Variants in PTPRD observed in about 807,000 individuals in gnomAD.
The protein encoded by PTPRD is receptor-type tyrosine-protein phosphatase delta.
Under a neutral mutation model 214.5 loss-of-function variants are expected in PTPRD, and 34 were observed. The observed-to-expected ratio is 0.16, with a 90% CI of 0.12 to 0.21. The LOEUF is 0.21. Ranked by LOEUF, PTPRD falls within the 10% of genes least tolerant of loss-of-function variation. The pLI is 1.00. For missense variants in PTPRD, 2,545 were observed against 2,398.7 expected, an observed-to-expected ratio of 1.06 and a Z score of -1.27; for synonymous variants, 1,128 against 845.7, an observed-to-expected ratio of 1.33 and a Z score of -5.79.
intron 5 of PTPRD, among the ~76,000 whole-genome samples, chr9:9,906,342 C>T (rs1183066087): frequency 1.3e-5 from 2 of 151,918 alleles, no homozygotes; most frequent in Admixed American, 6.6e-5. Flanking sequence ...TCCAGTAATT[C>T]CAACTTCACT....
At chr9:10,271,742 C>G (rs373216100) in intron 3 of PTPRD, among the ~76,000 whole-genome samples, 21 of 151,996 alleles carry the variant, frequency 1.4e-4, no homozygotes, top group African/African-American at 5.1e-4. Flanking sequence ...GAGGTTTCAC[C>G]ATGTTGGCCA....
At chr9:10,118,898 A>ATAAATAAATAAATAAG (rs1276172657) in intron 3 of PTPRD, among the ~76,000 whole-genome samples, 2 of 145,938 alleles carry the variant, frequency 1.4e-5, no homozygotes, top group East Asian at 4.0e-4. Context: ...AAATAAATAA[A>ATAAATAAATAAATAAG]TAATAATAAA....
At chr9:9,609,954 T>C (rs1004019072) in intron 7 of PTPRD, among the ~76,000 whole-genome samples, 2 of 152,194 alleles carry the variant, frequency 1.3e-5, no homozygotes, top group African/African-American at 4.8e-5. Context: ...TATGTGAAGA[T>C]GAATATCGGC....
At chr9:10,146,770 G>A (rs534761332) in intron 3 of PTPRD, among the ~76,000 whole-genome samples, 1 of 151,296 alleles carries the variant, frequency 6.6e-6, no homozygotes, top group East Asian at 1.9e-4. Flanking sequence ...GGTGGAATGG[G>A]AGAAGAAAAA....
intron 7 of PTPRD, among the ~76,000 whole-genome samples, chr9:9,622,982 G>GAT (rs1160070266): frequency 6.6e-6 from 1 of 152,202 alleles, no homozygotes; most frequent in Non-Finnish European, 1.5e-5. Flanking sequence ...ATCAGATAGA[G>GAT]ATATACAGTT....
chr9:10,195,640 A>G (rs1397807459), intron 3 of PTPRD, among the ~76,000 whole-genome samples: 1 of 152,150 alleles, frequency 6.6e-6, no homozygotes, highest in African/African-American at 2.4e-5. Flanking sequence ...TCATCCAACC[A>G]TCTATTTCTT....
chr9:10,254,197 T>G (rs2093041908), intron 3 of PTPRD, among the ~76,000 whole-genome samples: 2 of 152,204 alleles, frequency 1.3e-5, no homozygotes, highest in South Asian at 4.1e-4. Context: ...TAAGTGGATA[T>G]TTATTGTAAG....
intron 34 of PTPRD, chr9:8,437,203 G>A: frequency 2.0e-6 from 3 of 1,522,732 alleles, no homozygotes; most frequent in Non-Finnish European, 1.8e-6. Flanking sequence ...CTAACTTGAA[G>A]AATGAAGGTT....
chr9:9,363,326 G>C lies in PTPRD; in HGVS notation c.-203+34123C>G, dbSNP rs563125562. Among the ~76,000 whole-genome samples, 7 of 151,172 alleles carry C rather than the reference G, an allele frequency of 4.6e-5. No individual in the cohort carries two copies. The East Asian group carries it at 1.2e-3, about 25-fold the overall frequency. On this transcript the variant is annotated intron_variant, in intron 9 of 45. Transcript: ENST00000381196. ...GATAGTTGTAATGGACCCAGATTTA[G>C]AAATCCTCATATACAAGCTGGCATC...
chr9:8,614,136 G>T (rs1595295161), intron 14 of PTPRD, among the ~76,000 whole-genome samples: 1 of 152,222 alleles, frequency 6.6e-6, no homozygotes, highest in East Asian at 1.9e-4. Flanking sequence ...TGTCATTTAA[G>T]ATATGCTTCC....
At chr9:9,690,848 C>G (rs1002558513) in intron 7 of PTPRD, among the ~76,000 whole-genome samples, 8 of 149,586 alleles carry the variant, frequency 5.3e-5, no homozygotes, top group Non-Finnish European at 1.5e-5. Context: ...TAGTGCCATG[C>G]TGTTTTGGTT....
At position 10,401,221 on chromosome 9, in the gene PTPRD, C is replaced by A. The variant is rs559282685; in HGVS notation, c.-599-60204G>T. Among the ~76,000 whole-genome samples the A allele has an allele frequency of 8.1e-4, 123 of 151,750 alleles. 1 individual carries two copies. The highest frequency in any genetic ancestry group is 2.8e-3 in the African/African-American group (115 of 41,508). On this transcript the variant is annotated intron_variant, in intron 2 of 45. Transcript: ENST00000381196. ...TTTGCCTAAAACATCTTACTTTGCA[C>A]TTGCAATTGTGCTACTTTATTTTAT...
intron 30 of PTPRD, among the ~76,000 whole-genome samples, chr9:8,472,113 A>T (rs1387216612): frequency 6.6e-6 from 1 of 152,164 alleles, no homozygotes. Flanking sequence ...GTAGAGATTA[A>T]ATAATTGCCA....
At chr9:9,808,292 C>G (rs2046069303) in intron 5 of PTPRD, among the ~76,000 whole-genome samples, 1 of 152,162 alleles carries the variant, frequency 6.6e-6, no homozygotes, top group Non-Finnish European at 1.5e-5. Flanking sequence ...TCCTCAGATA[C>G]AAGAACTTTT....
chr9:9,101,953 T>A (rs2099792002), intron 10 of PTPRD, among the ~76,000 whole-genome samples: 1 of 152,186 alleles, frequency 6.6e-6, no homozygotes, highest in Admixed American at 6.5e-5. Context: ...CTTGGCTATA[T>A]TTGCATGGAA....
intron 14 of PTPRD, among the ~76,000 whole-genome samples, chr9:8,632,215 G>T (rs949543053): frequency 6.6e-6 from 1 of 150,730 alleles, no homozygotes; most frequent in Non-Finnish European, 1.5e-5. Flanking sequence ...AATTACTGCT[G>T]GCCTCCAAAT....
intron 3 of PTPRD, among the ~76,000 whole-genome samples, chr9:10,200,528 C>T (rs2154332802): frequency 6.6e-6 from 1 of 152,152 alleles, no homozygotes; most frequent in Admixed American, 6.6e-5. Flanking sequence ...TAGATGTTTA[C>T]ATCATTTAAG....
At chr9:8,954,628 C>T (rs2099121630) in intron 11 of PTPRD, among the ~76,000 whole-genome samples, 1 of 151,794 alleles carries the variant, frequency 6.6e-6, no homozygotes, top group African/African-American at 2.4e-5. Context: ...CTGTGGAGAG[C>T]TGTTCCAATG....
chr9:9,161,996 T>A (rs534342935), intron 10 of PTPRD, among the ~76,000 whole-genome samples: 2 of 151,794 alleles, frequency 1.3e-5, no homozygotes, highest in East Asian at 3.9e-4. Flanking sequence ...CCTAAAAGAG[T>A]AGCAGGATAA....
Sources: gnomAD v4.1 joint callset for allele counts (sites outside exome capture counted in the v4.1 genomes callset) on GRCh38, gnomAD v4.1.1 for gene constraint, MANE v1.5 for transcripts, NCBI Gene and HGNC (gene_info 2026-07-23, HGNC 2026-07-21) for gene names.